The following SCAPER variants were observed in gnomAD, a reference collection of about 807,000 sequenced individuals.
The protein encoded by SCAPER is S phase cyclin A-associated protein in the endoplasmic reticulum.
Under a neutral mutation model 182.2 loss-of-function variants are expected in SCAPER, and 98 were observed. The observed-to-expected ratio is 0.54, with a 90% CI of 0.46 to 0.64. The LOEUF is 0.64. Among genes scored for constraint, SCAPER ranks in the 30% least tolerant of loss-of-function variants. The pLI is 0.00. For missense variants in SCAPER, 1,432 were observed against 1,690.0 expected, an observed-to-expected ratio of 0.85 and a Z score of 2.68; for synonymous variants, 605 against 564.6, an observed-to-expected ratio of 1.07 and a Z score of -1.01.
chr15:76,517,939 G>A (rs188575353), intron 23 of SCAPER, among the ~76,000 whole-genome samples: 4 of 152,016 alleles, frequency 2.6e-5, no homozygotes, highest in Admixed American at 2.0e-4. Flanking sequence ...CAGACTCAAA[G>A]AATATAAAGG....
chr15:76,595,685 G>GAAACTGAAC lies in SCAPER; in HGVS notation c.2712-21410_2712-21402dup, dbSNP rs1273189929. Reference sequence around the variant, plus strand: ...TCACTCAAAACTGCACAACTACATGGAAACTGAACAAACTGCTCCTGAATG... The same window carrying GAAACTGAAC: ...TCACTCAAAACTGCACAACTACATGGAAACTGAACAAACTGAACAAACTGCTCCTGAATG... On this transcript the variant is annotated intron_variant, in intron 22 of 31. Transcript: ENST00000563290. 4.1e-5 allele frequency among the ~76,000 whole-genome samples: 5 copies of GAAACTGAAC among 122,048 alleles called. 1 individual carries two copies. In the East Asian group the frequency reaches 6.6e-4, roughly 16 times the overall value. The allele number at this position is 122,048 out of a possible 152,430, so 80.1% of individuals were successfully genotyped here.
intron 1 of SCAPER, among the ~76,000 whole-genome samples, chr15:76,889,476 G>T (rs933065144): frequency 4.6e-5 from 7 of 152,062 alleles, no homozygotes; most frequent in African/African-American, 1.7e-4. Flanking sequence ...TATGGAGGAA[G>T]ATCTACCAAG....
intron 24 of SCAPER, among the ~76,000 whole-genome samples, chr15:76,483,588 T>A (rs1271611480): frequency 6.6e-6 from 1 of 152,014 alleles, no homozygotes; most frequent in Non-Finnish European, 1.5e-5. Context: ...GAAAAATACA[T>A]GGAAAACACA....
intron 25 of SCAPER, among the ~76,000 whole-genome samples, chr15:76,444,850 A>G (rs1333835831): frequency 6.6e-6 from 1 of 152,170 alleles, no homozygotes; most frequent in Non-Finnish European, 1.5e-5. Context: ...AATTTTGATC[A>G]TTCTAACTTC....
chr15:76,601,653 A>G (rs73457042), intron 22 of SCAPER, among the ~76,000 whole-genome samples: 3,114 of 121,908 alleles, frequency 0.026, 442 homozygotes, highest in African/African-American at 0.071. Context: ...GTATGACTGT[A>G]TATTTCTTAT....
chr15:76,692,844 G>A (rs1398546779), intron 20 of SCAPER, among the ~76,000 whole-genome samples: 6 of 150,726 alleles, frequency 4.0e-5, no homozygotes, highest in African/African-American at 7.3e-5. Context: ...AAAATAAAGC[G>A]ACAATAGACA....
At chr15:76,796,133 T>C (rs1007866601) in intron 7 of SCAPER, among the ~76,000 whole-genome samples, 1 of 152,186 alleles carries the variant, frequency 6.6e-6, no homozygotes, top group African/African-American at 2.4e-5. Flanking sequence ...TAAAAGAGGC[T>C]TTTTCTTTGT....
At chr15:76,685,924 T>A (rs2058014474) in intron 20 of SCAPER, among the ~76,000 whole-genome samples, 1 of 152,022 alleles carries the variant, frequency 6.6e-6, no homozygotes, top group South Asian at 2.1e-4. Context: ...TAAAAAATAA[T>A]TCTAAGTGGA....
intron 4 of SCAPER, among the ~76,000 whole-genome samples, chr15:76,850,425 G>C (rs984886153): frequency 6.6e-6 from 1 of 152,146 alleles, no homozygotes; most frequent in South Asian, 2.1e-4. Context: ...GTTTCCCTGG[G>C]AAGAGGCTCC....
chr15:76,873,391 T>C (rs1454035358), intron 2 of SCAPER, among the ~76,000 whole-genome samples: 1 of 143,944 alleles, frequency 6.9e-6, no homozygotes, highest in Non-Finnish European at 1.5e-5. Flanking sequence ...GGCAGGCATC[T>C]CTAGGGTGCC....
intron 23 of SCAPER, among the ~76,000 whole-genome samples, chr15:76,537,109 G>A (rs1377671692): frequency 6.6e-6 from 1 of 151,892 alleles, no homozygotes; most frequent in African/African-American, 2.4e-5. Context: ...TCATGGGTAG[G>A]AAGAATCAAT....
At chr15:76,588,505 T>A (rs1306933310) in intron 22 of SCAPER, among the ~76,000 whole-genome samples, 1 of 152,204 alleles carries the variant, frequency 6.6e-6, no homozygotes, top group African/African-American at 2.4e-5. Flanking sequence ...TAGGTGAGTC[T>A]CTTGAAGTCA....
intron 20 of SCAPER, among the ~76,000 whole-genome samples, chr15:76,683,544 A>G (rs1673926928): frequency 6.6e-6 from 1 of 152,160 alleles, no homozygotes; most frequent in African/African-American, 2.4e-5. Context: ...ATTCAACTTC[A>G]GAAAACACAG....
chr15:76,699,350 G>A (rs964276112), intron 20 of SCAPER, among the ~76,000 whole-genome samples: 5 of 152,164 alleles, frequency 3.3e-5, no homozygotes, highest in Non-Finnish European at 5.9e-5. Context: ...CAGTTCTCAA[G>A]GGGAATGCTT....
intron 27 of SCAPER, among the ~76,000 whole-genome samples, chr15:76,390,057 A>G (rs1327083106): frequency 6.6e-6 from 1 of 152,002 alleles, no homozygotes; most frequent in Admixed American, 6.6e-5. Context: ...CGTAGGCTCA[A>G]GCAATCCTCC....
At chr15:76,775,328 A>G (rs979014913) in intron 8 of SCAPER, among the ~76,000 whole-genome samples, 24 of 152,128 alleles carry the variant, frequency 1.6e-4, no homozygotes, top group African/African-American at 5.8e-4. Flanking sequence ...CAAAACTGAA[A>G]TTCAGATTAA....
intron 5 of SCAPER, among the ~76,000 whole-genome samples, chr15:76,824,185 G>A (rs2067802922): frequency 1.3e-5 from 2 of 152,194 alleles, no homozygotes; most frequent in South Asian, 4.1e-4. Flanking sequence ...ATTTTGTCAA[G>A]CAGGATGAAA....
At chr15:76,758,531 C>T (rs1469544647) in intron 14 of SCAPER, among the ~76,000 whole-genome samples, 1 of 152,104 alleles carries the variant, frequency 6.6e-6, no homozygotes, top group Non-Finnish European at 1.5e-5. Context: ...TGACTATAGC[C>T]TTTGCTCTTC....
chr15:76,830,108 G>T (rs1240330551), intron 5 of SCAPER, among the ~76,000 whole-genome samples: 4 of 152,128 alleles, frequency 2.6e-5, no homozygotes, highest in Non-Finnish European at 5.9e-5. Flanking sequence ...CAAGGAGAAG[G>T]AGGGAAGAGT....
Sources: gnomAD v4.1 joint callset for allele counts (sites outside exome capture counted in the v4.1 genomes callset) on GRCh38, gnomAD v4.1.1 for gene constraint, MANE v1.5 for transcripts, NCBI Gene and HGNC (gene_info 2026-07-23, HGNC 2026-07-21) for gene names.